Variants in PUM2 observed in about 807,000 individuals in gnomAD.
PUM2 encodes pumilio RNA binding family member 2, also known as pumilio homolog 2.
A neutral mutation model predicts 124.5 loss-of-function variants in PUM2; 57 were observed. The ratio of observed to expected loss-of-function variants is 0.46; its 90% CI spans 0.37 to 0.57. PUM2 has a LOEUF of 0.57. Ranked by LOEUF, PUM2 falls within the 20% of genes least tolerant of loss-of-function variation. The pLI is 0.00. For missense variants in PUM2, 1,065 were observed against 1,290.6 expected (o/e 0.83, Z 2.68); for synonymous variants, 460 against 446.1 (o/e 1.03, Z -0.39).
chr2:20,322,769 C>G (rs1682679795), intron 2 of PUM2, among the ~76,000 whole-genome samples: 1 of 152,164 alleles, frequency 6.6e-6, no homozygotes, highest in South Asian at 2.1e-4. Context: ...TGCCACTGCA[C>G]TCCAGCTTGG....
chr2:20,312,385 A>T lies in PUM2; in HGVS notation c.199T>A (p.Ser67Thr), dbSNP rs780278408. Reference sequence around the variant, plus strand: ...CTGTTTCCATGAAAACCCTGTCCAGATCTTCTCTGTACCATAATAGGCTGG... The same window carrying T: ...CTGTTTCCATGAAAACCCTGTCCAGTTCTTCTCTGTACCATAATAGGCTGG... ...MSQPIMVQRR[S>T]GQGFHGNSEV... is the part of the protein sequence containing the mutation. The change falls in exon 4 of 21, where the codon TCT (serine) becomes ACT (threonine). Residue 67 changes from serine (S) to threonine (T), a missense_variant. Ser to Thr is a moderately conservative substitution (Grantham distance 58, BLOSUM62 1). This residue lies in a region of PUM2 where 90 missense variants were observed against 103.6 expected (regional missense o/e 0.87). Transcript: ENST00000361078. 6.2e-7 allele frequency: 1 copy of T among 1,613,852 alleles called. No homozygotes were observed. Among genetic ancestry groups the T allele is most frequent in the Non-Finnish European group, 8.5e-7 (1 of 1,179,846 alleles).
intron 1 of PUM2, among the ~76,000 whole-genome samples, chr2:20,329,608 G>C (rs1684471149): frequency 6.6e-6 from 1 of 152,166 alleles, no homozygotes; most frequent in Non-Finnish European, 1.5e-5. Context: ...AGCAGCTTTT[G>C]AGAAATGGCA....
At chr2:20,307,725 T>C (rs1039309941) in intron 7 of PUM2, among the ~76,000 whole-genome samples, 1 of 152,258 alleles carries the variant, frequency 6.6e-6, no homozygotes, top group Non-Finnish European at 1.5e-5. Context: ...CTTTCTCAAC[T>C]TCACATTGGA....
intron 7 of PUM2, among the ~76,000 whole-genome samples, chr2:20,304,185 C>T (rs1164548807): frequency 6.6e-6 from 1 of 152,176 alleles, no homozygotes; most frequent in Non-Finnish European, 1.5e-5. Context: ...GCCTGAACTG[C>T]ATAGGCCCCT....
chr2:20,320,046 T>C (rs2148741194), intron 2 of PUM2, among the ~76,000 whole-genome samples: 1 of 152,206 alleles, frequency 6.6e-6, no homozygotes, highest in East Asian at 1.9e-4. Context: ...GACAGGTGGA[T>C]CACGAGGTCA....
intron 13 of PUM2, among the ~76,000 whole-genome samples, chr2:20,270,806 C>T (rs146264294): frequency 6.6e-6 from 1 of 152,130 alleles, no homozygotes; most frequent in Non-Finnish European, 1.5e-5. Context: ...CCCAAACATT[C>T]AATGAAATCT....
At chr2:20,261,318 G>A (rs1355805700) in intron 14 of PUM2, among the ~76,000 whole-genome samples, 1 of 148,744 alleles carries the variant, frequency 6.7e-6, no homozygotes, top group Non-Finnish European at 1.5e-5. Flanking sequence ...TTGAACCCAG[G>A]AGGCGGAGGA....
At chr2:20,286,813 C>A (rs1435718954) in intron 10 of PUM2, among the ~76,000 whole-genome samples, 1 of 151,876 alleles carries the variant, frequency 6.6e-6, no homozygotes, top group African/African-American at 2.4e-5. Flanking sequence ...TGTTTTTGTT[C>A]TAATCCACAA....
At chr2:20,281,418 C>T (rs530719614) in intron 12 of PUM2, among the ~76,000 whole-genome samples, 5 of 152,212 alleles carry the variant, frequency 3.3e-5, no homozygotes, top group Non-Finnish European at 7.4e-5. Context: ...GAAATCTGAA[C>T]CAGACGATCA....
intron 4 of PUM2, 136 bp downstream of exon 4, chr2:20,312,100 G>A (rs1220567989): frequency 1.2e-5 from 9 of 757,928 alleles, no homozygotes; most frequent in Non-Finnish European, 1.6e-5. Flanking sequence ...CTAAGCAGAA[G>A]AATAGCAATA....
chr2:20,308,482 T>C lies in PUM2; in HGVS notation c.621A>G (p.Thr207=), dbSNP rs767995757. 3.7e-6 allele frequency: 6 copies of C among 1,614,162 alleles called. No individual in the cohort carries two copies. In the East Asian group the frequency reaches 1.1e-4, roughly 30 times the overall value. Reference sequence around the variant, plus strand: ...ATTCTTCAACAAGTGGTTTATTAGCTGTAGGATTAGGAAGAGGCCCCAGTC... The same window carrying C: ...ATTCTTCAACAAGTGGTTTATTAGCCGTAGGATTAGGAAGAGGCCCCAGTC... ...SEGLGPLPNP[T]ANKPLVEEFS... The change falls in exon 6 of 21, where the codon ACA becomes ACG. Residue 207 remains threonine (T), a synonymous_variant. Transcript: ENST00000361078.
intron 3 of PUM2, among the ~76,000 whole-genome samples, chr2:20,317,372 G>C (rs905142188): frequency 6.6e-6 from 1 of 151,880 alleles, no homozygotes; most frequent in Non-Finnish European, 1.5e-5. Context: ...TCCCTTTCTG[G>C]GAGCTCTATC....
chr2:20,294,234 A>C, intron 9 of PUM2, 142 bp downstream of exon 9: 1 of 843,808 alleles, frequency 1.2e-6, no homozygotes. Flanking sequence ...AATCCCATGC[A>C]TAAATACTTG....
chr2:20,331,075 G>A (rs1254507218), intron 1 of PUM2, among the ~76,000 whole-genome samples: 1 of 151,874 alleles, frequency 6.6e-6, no homozygotes, highest in Non-Finnish European at 1.5e-5. Flanking sequence ...AGTGGGATTT[G>A]CTAACACAGC....
At chr2:20,325,690 C>CG (rs1034632661) in intron 2 of PUM2, among the ~76,000 whole-genome samples, 11 of 150,566 alleles carry the variant, frequency 7.3e-5, no homozygotes, top group African/African-American at 2.4e-4. Flanking sequence ...GGTGCAATCT[C>CG]GGCTCACTGC....
chr2:20,298,335 T>C (rs1226373393), intron 7 of PUM2, among the ~76,000 whole-genome samples: 1 of 152,172 alleles, frequency 6.6e-6, no homozygotes, highest in African/African-American at 2.4e-5. Context: ...GCTAAGTAGT[T>C]TGGATTTTAC....
chr2:20,311,373 T>G, intron 5 of PUM2, 121 bp downstream of exon 5: 1 of 1,185,528 alleles, frequency 8.4e-7, no homozygotes, highest in Non-Finnish European at 1.1e-6. Context: ...TTTGTCCAGA[T>G]TAACACAAAG....
chr2:20,289,800 C>T (rs1043980456), intron 10 of PUM2, among the ~76,000 whole-genome samples: 2 of 152,124 alleles, frequency 1.3e-5, no homozygotes, highest in East Asian at 1.9e-4. Context: ...GAACACATTT[C>T]CTAAATGATC....
chr2:20,308,330 T>C lies in PUM2; in HGVS notation c.773A>G (p.Tyr258Cys). ...TGCTTTTACCTGCTGCTGGGAATTG[T>C]AGTCAAAAAGGCCTACAGTAGCTCC... ...SSGATVGLFD[Y>C]NSQQQLFQRT... Residue 258 changes from tyrosine (Y) to cysteine (C), a missense_variant, in exon 6 of 21, where the codon TAC becomes TGC. Tyr to Cys is a radical substitution (Grantham distance 194, BLOSUM62 -2). This residue lies in a region of PUM2 where 968 missense variants were observed against 1,159.8 expected (regional missense o/e 0.83). Transcript: ENST00000361078. 3 of 1,613,578 alleles carry C rather than the reference T, an allele frequency of 1.9e-6. No homozygotes were observed. Among genetic ancestry groups the C allele is most frequent in the East Asian group, 2.2e-5 (1 of 44,888 alleles).
Sources: gnomAD v4.1 joint callset for allele counts (sites outside exome capture counted in the v4.1 genomes callset) on GRCh38, gnomAD v4.1.1 for gene constraint, gnomAD v4.1.1 regional missense constraint, MANE v1.5 for transcripts, NCBI Gene and HGNC (gene_info 2026-07-23, HGNC 2026-07-21) for gene names.